The following DENND1B variants were observed in gnomAD, a reference collection of about 807,000 sequenced individuals.
DENND1B encodes the protein DENN domain containing 1B.
In DENND1B, 59 loss-of-function variants were observed where a neutral mutation model predicts 90.1. The observed-to-expected ratio is 0.65, with a 90% CI of 0.53 to 0.81. DENND1B has a LOEUF of 0.81. DENND1B is among the 40% of genes least tolerant of loss of function. The pLI is 0.00. For missense variants in DENND1B, 862 were observed against 912.6 expected, an observed-to-expected ratio of 0.94 and a Z score of 0.71; for synonymous variants, 337 against 324.6, an observed-to-expected ratio of 1.04 and a Z score of -0.41.
chr1:197,693,321 A>G (rs1188946160), intron 3 of DENND1B, among the ~76,000 whole-genome samples: 1 of 151,700 alleles, frequency 6.6e-6, no homozygotes, highest in African/African-American at 2.4e-5. Flanking sequence ...TTAAAAGGTA[A>G]CAAAATAATT....
intron 10 of DENND1B, among the ~76,000 whole-genome samples, chr1:197,637,837 A>C: frequency 6.6e-6 from 1 of 152,202 alleles, no homozygotes; most frequent in Admixed American, 6.5e-5. Flanking sequence ...TAAAAACATG[A>C]GGCACAAAAA....
intron 15 of DENND1B, among the ~76,000 whole-genome samples, chr1:197,563,416 T>C (rs905938228): frequency 6.6e-6 from 1 of 151,892 alleles, no homozygotes. Flanking sequence ...TTATGCTGAG[T>C]CTACTCTGCC....
intron 2 of DENND1B, among the ~76,000 whole-genome samples, chr1:197,772,160 T>C (rs184488855): frequency 2.6e-3 from 401 of 152,182 alleles, no homozygotes; most frequent in African/African-American, 9.5e-3. Context: ...AGTGGTGTAG[T>C]TTCCATTGGT....
In DENND1B at chr1:197,510,231, C is replaced by A. The variant is rs963911994; in HGVS notation, c.*229G>T. The A allele has an allele frequency of 9.4e-6, 5 of 532,048 alleles. No homozygotes were observed. Among genetic ancestry groups the A allele is most frequent in the East Asian group, 3.3e-5 (1 of 30,584 alleles). The allele number at this position is 532,048 out of a possible 1,614,324, so 33.0% of individuals were successfully genotyped here. A position where few individuals can be genotyped will look rare whatever the true frequency, so the allele number is the denominator to read the frequency against. On this transcript the variant is annotated 3_prime_UTR_variant, in exon 23 of 23. Transcript: ENST00000620048. ...TGGGAAATCTCATGGTCAATACATA[C>A]TTTAAACATACATACACACTAGTAC... is the stretch of plus-strand genomic sequence containing the variant.
At position 197,775,209 on chromosome 1, in the gene DENND1B, G is replaced by T; in HGVS notation, c.-54C>A. 2 of 1,237,154 alleles carry T rather than the reference G, an allele frequency of 1.6e-6. No individual in the cohort carries two copies. The highest frequency in any genetic ancestry group is 2.0e-6 in the Non-Finnish European group (2 of 983,766). The allele number at this position is 1,237,154 out of a possible 1,614,324, so 76.6% of individuals were successfully genotyped here. On this transcript the variant is annotated 5_prime_UTR_variant, in exon 1 of 23. Coordinates refer to ENST00000620048, the MANE Select transcript of DENND1B (RefSeq NM_001195215.2). ...CCGGCCCCCGCGCGCTGGCCTGGAA[G>T]CCCGCAGCCCGGCCGCGCGAGGGTC...
At chr1:197,597,337 A>G (rs1018685008) in intron 13 of DENND1B, among the ~76,000 whole-genome samples, 9 of 151,876 alleles carry the variant, frequency 5.9e-5, no homozygotes, top group Non-Finnish European at 1.3e-4. Context: ...TCCACCCCCA[A>G]AAAAGATTAC....
chr1:197,539,363 G>A (rs949376973), intron 20 of DENND1B, among the ~76,000 whole-genome samples: 3 of 151,864 alleles, frequency 2.0e-5, no homozygotes, highest in Admixed American at 2.0e-4. Flanking sequence ...GGCCACTTAA[G>A]ATACAATTTT....
intron 3 of DENND1B, among the ~76,000 whole-genome samples, chr1:197,679,808 GT>G (rs56246204): frequency 0.4 from 37,374 of 92,300 alleles, 2,756 homozygotes; most frequent in Middle Eastern, 0.44. Context: ...TCCAAGGGTT[GT>G]TTTTTTTTTT....
intron 15 of DENND1B, among the ~76,000 whole-genome samples, chr1:197,569,773 G>C (rs968581958): frequency 3.3e-5 from 5 of 152,024 alleles, no homozygotes; most frequent in African/African-American, 9.7e-5. Flanking sequence ...AGTTACCAGG[G>C]GTTGGGGTAA....
chr1:197,567,345 G>A (rs1021292699), intron 15 of DENND1B, among the ~76,000 whole-genome samples: 2 of 152,036 alleles, frequency 1.3e-5, no homozygotes, highest in Admixed American at 1.3e-4. Context: ...CAAGGAGACT[G>A]AATCAGTAGT....
At chr1:197,674,293 A>C (rs2125987647) in intron 3 of DENND1B, 124 bp from the exon 4 acceptor site, 1 of 679,372 alleles carries the variant, frequency 1.5e-6, no homozygotes. Flanking sequence ...GAAAAATAGC[A>C]CAGGTTCCTA....
chr1:197,612,446 T>A (rs1677268303), intron 11 of DENND1B, among the ~76,000 whole-genome samples: 1 of 150,598 alleles, frequency 6.6e-6, no homozygotes, highest in African/African-American at 2.4e-5. Context: ...ATACCTCCTA[T>A]GTCACCAAAT....
At chr1:197,573,032 TTTTC>T (rs1470014274) in intron 15 of DENND1B, among the ~76,000 whole-genome samples, 3 of 152,158 alleles carry the variant, frequency 2.0e-5, no homozygotes, top group African/African-American at 7.2e-5. Flanking sequence ...TTCTCTCTTT[TTTTC>T]TTTATTAGTC....
intron 15 of DENND1B, among the ~76,000 whole-genome samples, chr1:197,562,618 A>T (rs754253448): frequency 1.3e-5 from 2 of 151,838 alleles, no homozygotes; most frequent in Non-Finnish European, 2.9e-5. Context: ...TGACTGCTCC[A>T]CTGACTGGCT....
At chr1:197,738,910 G>A (rs1662960933) in intron 2 of DENND1B, among the ~76,000 whole-genome samples, 1 of 152,212 alleles carries the variant, frequency 6.6e-6, no homozygotes, top group Admixed American at 6.5e-5. Context: ...GAGAAACCCA[G>A]GCAGAGCCCA....
chr1:197,694,224 T>G (rs115075685), intron 3 of DENND1B, among the ~76,000 whole-genome samples: 2,284 of 151,388 alleles, frequency 0.015, 29 homozygotes, highest in Admixed American at 0.023. Flanking sequence ...AAAAAAAAAT[T>G]AGAAAAATTC....
intron 3 of DENND1B, among the ~76,000 whole-genome samples, chr1:197,700,374 T>A (rs1346642647): frequency 6.6e-6 from 1 of 152,018 alleles, no homozygotes; most frequent in African/African-American, 2.4e-5. Context: ...GGGGAAAGGA[T>A]CTCCTATTCA....
intron 10 of DENND1B, among the ~76,000 whole-genome samples, chr1:197,630,121 C>G (rs1231923921): frequency 6.6e-6 from 1 of 152,088 alleles, no homozygotes; most frequent in African/African-American, 2.4e-5. Context: ...TACAGCCACT[C>G]TGGAAGACAT....
intron 3 of DENND1B, among the ~76,000 whole-genome samples, chr1:197,707,779 C>A (rs1246128603): frequency 6.7e-6 from 1 of 148,618 alleles, no homozygotes; most frequent in East Asian, 2.0e-4. Context: ...GTGAGCGACG[C>A]AGAAGACGGG....
Sources: allele counts gnomAD v4.1 joint callset (sites outside exome capture counted in the v4.1 genomes callset), GRCh38; gene constraint gnomAD v4.1.1; transcripts MANE v1.5; gene names NCBI Gene and HGNC (gene_info 2026-07-23, HGNC 2026-07-21).